GLB1L3: variants seen among roughly 807,000 people sequenced by gnomAD.
GLB1L3 encodes the protein beta-galactosidase-1-like protein 3.
Under a neutral mutation model 89.5 loss-of-function variants are expected in GLB1L3, and 89 were observed. That is an observed-to-expected ratio of 0.99 (90% CI 0.84 to 1.19). The LOEUF is 1.19. GLB1L3 is among the 50% of genes most tolerant of loss of function. GLB1L3 has a pLI of 0.00. For synonymous variants in GLB1L3, 314 were observed against 312.3 expected (o/e 1.01, Z -0.06); for missense variants, 812 against 813.3 (o/e 1.00, Z 0.02).
intron 10 of GLB1L3, among the ~76,000 whole-genome samples, chr11:134,308,203 TACC>T (rs1356980088): frequency 3.3e-5 from 1 of 30,634 alleles, no homozygotes; most frequent in Non-Finnish European, 6.3e-5. Context: ...CCATCACCAC[TACC>T]ACCACCACCA....
chr11:134,290,585 AAAAG>A (rs1401190212), intron 7 of GLB1L3, among the ~76,000 whole-genome samples: 55 of 137,920 alleles, frequency 4.0e-4, no homozygotes, highest in South Asian at 7.0e-4. Flanking sequence ...CCGCCAAAAA[AAAAG>A]AAAAGAAAAA....
chr11:134,322,039 A>T (rs1437679224), downstream of GLB1L3, among the ~76,000 whole-genome samples: 1 of 152,200 alleles, frequency 6.6e-6, no homozygotes, highest in African/African-American at 2.4e-5. Flanking sequence ...GTCAGACATT[A>T]TTTAAAGAAA....
intron 13 of GLB1L3, chr11:134,311,383 T>G: frequency 1.8e-6 from 1 of 547,408 alleles, no homozygotes; most frequent in South Asian, 2.2e-5. Flanking sequence ...CAGCAGGACG[T>G]CGGAGGATCC....
Position 134,318,939 on chromosome 11 carries a change from G to A in GLB1L3, c.1959G>A (p.Leu653=), listed in dbSNP as rs1216183072. 1.3e-6 allele frequency: 2 copies of A among 1,591,004 alleles called. No individual in the cohort carries two copies. The highest frequency in any genetic ancestry group is 1.4e-5 in the African/African-American group (1 of 72,392). ...SDIKSTDKPT[L] ...TCAAATCTACAGACAAGCCCACGCT[G>A]TAAAACTGTGTCTGAACATTTTTTT... The change falls in exon 20 of 20, where the codon CTG becomes CTA. Residue 653 remains leucine (L), a synonymous_variant. Coordinates refer to ENST00000431683, the MANE Select transcript of GLB1L3 (RefSeq NM_001080407.3).
intron 6 of GLB1L3, among the ~76,000 whole-genome samples, chr11:134,286,606 C>G (rs553226556): frequency 7.3e-5 from 11 of 151,656 alleles, no homozygotes; most frequent in African/African-American, 2.4e-4. Context: ...GAAACCCCGT[C>G]TCTACTAAAA....
downstream of GLB1L3, among the ~76,000 whole-genome samples, chr11:134,321,556 T>C (rs1000089742): frequency 6.6e-6 from 1 of 152,112 alleles, no homozygotes; most frequent in South Asian, 2.1e-4. Flanking sequence ...TAAGAAAATA[T>C]GGCACATATA....
intron 7 of GLB1L3, among the ~76,000 whole-genome samples, 186 bp from the exon 8 acceptor site, chr11:134,291,946 G>A (rs546817660): frequency 6.6e-6 from 1 of 152,202 alleles, no homozygotes; most frequent in Non-Finnish European, 1.5e-5. Context: ...CTGCACTCCA[G>A]CCCGGGGAAA....
At chr11:134,280,646 C>G (rs559584617) in intron 3 of GLB1L3, among the ~76,000 whole-genome samples, 2 of 152,036 alleles carry the variant, frequency 1.3e-5, no homozygotes, top group South Asian at 4.2e-4. Flanking sequence ...TTGTAACTTA[C>G]AACATACAAC....
chr11:134,313,289 C>G (rs1442388808), intron 15 of GLB1L3, 107 bp from the exon 16 acceptor site: 1 of 783,968 alleles, frequency 1.3e-6, no homozygotes, highest in Non-Finnish European at 2.2e-6. Context: ...CCTGGAGCCT[C>G]CTGTTCTCCC....
intron 3 of GLB1L3, among the ~76,000 whole-genome samples, chr11:134,279,289 C>T (rs1003348965): frequency 6.6e-6 from 1 of 151,492 alleles, no homozygotes; most frequent in African/African-American, 2.4e-5. Flanking sequence ...AACTCATGTC[C>T]TCTATTTCTT....
intron 13 of GLB1L3, 30 bp from the exon 14 acceptor site, chr11:134,312,319 G>A: frequency 6.2e-7 from 1 of 1,609,942 alleles, no homozygotes; most frequent in African/African-American, 1.3e-5. Context: ...TCAGCCCTTG[G>A]ACTTCTGCTC....
At chr11:134,303,422 A>C (rs1286948479) in intron 9 of GLB1L3, among the ~76,000 whole-genome samples, 1 of 152,058 alleles carries the variant, frequency 6.6e-6, no homozygotes, top group Admixed American at 6.5e-5. Flanking sequence ...TTTTCTTTAC[A>C]ATCTTGGCTT....
In GLB1L3 at chr11:134,290,578, C is replaced by G. The variant is rs569743085; in HGVS notation, c.730-1554C>G. On this transcript the variant is annotated intron_variant, in intron 7 of 19. Coordinates refer to ENST00000431683, the MANE Select transcript of GLB1L3 (RefSeq NM_001080407.3). ...ACAGAGTGAGACTCGTCCCCCCCCGCCAAAAAAAAAGAAAAGAAAAAAAAA... is the reference window on the plus strand; with the variant it reads ...ACAGAGTGAGACTCGTCCCCCCCCGGCAAAAAAAAAGAAAAGAAAAAAAAA... 2.1e-3 allele frequency among the ~76,000 whole-genome samples: 204 copies of G among 98,282 alleles called. 10 individuals carry two copies. Among genetic ancestry groups the G allele is most frequent in the Non-Finnish European group, 8.5e-4 (38 of 44,592 alleles). The allele number at this position is 98,282 out of a possible 152,430, so 64.5% of individuals were successfully genotyped here.
At chr11:134,277,973 A>G (rs1591527730) in intron 3 of GLB1L3, 61 bp downstream of exon 3, 1 of 1,553,286 alleles carries the variant, frequency 6.4e-7, no homozygotes. Flanking sequence ...CTGGCCGGGA[A>G]CCTGAGCCTC....
At position 134,279,952 on chromosome 11, in the gene GLB1L3, T is replaced by C. The variant is rs888396956; in HGVS notation, c.363-1425T>C. ...TCCTTCTCAGTTTCCTCCTCCTCCT[T>C]CTTCTTTTTCCCTGAGTTAAAATTT... On this transcript the variant is annotated intron_variant, in intron 3 of 19. Coordinates refer to ENST00000431683, the MANE Select transcript of GLB1L3 (RefSeq NM_001080407.3). Among the ~76,000 whole-genome samples the C allele has an allele frequency of 3.9e-5, 6 of 152,010 alleles. No homozygotes were observed. The East Asian group carries it at 5.8e-4, about 15-fold the overall frequency.
chr11:134,303,447 G>A (rs1159481535), intron 9 of GLB1L3, among the ~76,000 whole-genome samples: 3 of 151,708 alleles, frequency 2.0e-5, no homozygotes, highest in African/African-American at 4.8e-5. Context: ...TTATGGATTC[G>A]ACTATTTAAA....
chr11:134,312,587 T>G (rs983354378), intron 14 of GLB1L3, 98 bp downstream of exon 14: 13 of 1,434,228 alleles, frequency 9.1e-6, no homozygotes, highest in Middle Eastern at 4.9e-4. Context: ...TGCTGTTTGG[T>G]GACCTACTAT....
chr11:134,292,357 C>A (rs1206166918), intron 8 of GLB1L3, 144 bp downstream of exon 8: 1 of 610,052 alleles, frequency 1.6e-6, no homozygotes, highest in Non-Finnish European at 2.9e-6. Context: ...TTCGATGTTA[C>A]AATAAATGAG....
chr11:134,309,676 G>A lies in GLB1L3; in HGVS notation c.1012G>A (p.Val338Ile), dbSNP rs1942625925. 6.2e-7 allele frequency: 1 copy of A among 1,612,596 alleles called. No homozygotes were observed. The highest frequency in any genetic ancestry group is 8.5e-7 in the Non-Finnish European group (1 of 1,179,154). Residue 338 changes from valine (V) to isoleucine (I), a missense_variant, in exon 11 of 20, where the codon GTA becomes ATA. Physicochemically the swap from Val to Ile is conservative, Grantham distance 29. This residue lies in a region of GLB1L3 where 618 missense variants were observed against 604.0 expected (regional missense o/e 1.02). Transcript: ENST00000431683. The part of the protein sequence containing the change: ...EFIKYEISFN[V>I]YMFHGGTNFG... ...CATCAAATATGAGATCTCCTTCAAT[G>A]TATATATGTTCCATGGTGGAACCAA...
Sources: gnomAD v4.1 joint callset for allele counts (sites outside exome capture counted in the v4.1 genomes callset) on GRCh38, gnomAD v4.1.1 for gene constraint, gnomAD v4.1.1 regional missense constraint, MANE v1.5 for transcripts, NCBI Gene and HGNC (gene_info 2026-07-23, HGNC 2026-07-21) for gene names.